The following MCF2L2 variants were observed in gnomAD, a reference collection of about 807,000 sequenced individuals.
MCF2L2 encodes probable guanine nucleotide exchange factor MCF2L2.
Under a neutral mutation model 150.2 loss-of-function variants are expected in MCF2L2, and 102 were observed. The ratio of observed to expected loss-of-function variants is 0.68; its 90% CI spans 0.58 to 0.80. The LOEUF (loss-of-function observed/expected upper bound fraction) is 0.80. Among genes scored for constraint, MCF2L2 ranks in the 30% least tolerant of loss-of-function variants. The pLI, the probability that MCF2L2 is intolerant of heterozygous loss-of-function variation, is 0.00. For missense variants in MCF2L2, 1,256 were observed against 1,372.8 expected, an observed-to-expected ratio of 0.91 and a Z score of 1.34; for synonymous variants, 465 against 491.3, an observed-to-expected ratio of 0.95 and a Z score of 0.71.
rs987671064 is a variant in MCF2L2 at position 183,178,524 on chromosome 3, G to A, written c.*856C>T. ...TCCAAGCAAATTAATTTGAACATCT[G>A]TAACTCCTAAAACAAAACAACTACA... On this transcript the variant is annotated 3_prime_UTR_variant, in exon 30 of 30. Coordinates refer to ENST00000328913, the MANE Select transcript of MCF2L2 (RefSeq NM_015078.4). The A allele has an allele frequency of 6.6e-6, 1 of 151,360 alleles. No individual in the cohort carries two copies. Among genetic ancestry groups the A allele is most frequent in the Admixed American group, 6.6e-5 (1 of 15,232 alleles). The allele number at this position is 151,360 out of a possible 1,614,324, so 9.4% of individuals were successfully genotyped here.
rs376579136 is a variant in MCF2L2 at position 183,300,181 on chromosome 3, C to T, written c.1129G>A (p.Ala377Thr). ...TCCCCAACCAGTGCCAGCAGCTGGG[C>T]CTTTTCCAGGGGCTCCTGCAAAGTG... ...EEKSQEPLEK[A>T]QLLALVGDQL... is the part of the protein sequence containing the mutation. Residue 377 changes from alanine (A) to threonine (T), a missense_variant, in exon 11 of 30, where the codon GCC (alanine) becomes ACC (threonine). Transcript: ENST00000328913. 22 of 1,602,086 alleles carry T rather than the reference C, an allele frequency of 1.4e-5. No homozygotes were observed. Among genetic ancestry groups the T allele is most frequent in the Non-Finnish European group, 1.9e-5 (22 of 1,176,968 alleles).
chr3:183,273,905 G>A (rs991064816), intron 15 of MCF2L2, among the ~76,000 whole-genome samples: 3 of 152,098 alleles, frequency 2.0e-5, no homozygotes, highest in Admixed American at 2.0e-4. Flanking sequence ...TTTGCACATC[G>A]ATGTGGTCAC....
chr3:183,225,995 CT>C (rs1474367624), intron 18 of MCF2L2: 1 of 152,226 alleles, frequency 6.6e-6, no homozygotes, highest in Non-Finnish European at 1.5e-5. Context: ...TTACCAGTTA[CT>C]CCCACATATC....
chr3:183,272,338 A>G, intron 15 of MCF2L2: 1 of 1,000,294 alleles, frequency 1.0e-6, no homozygotes, highest in Non-Finnish European at 1.2e-6. Context: ...AGCAAGAGTG[A>G]CTGAACTCAC....
chr3:183,294,853 C>T (rs1728399023), intron 13 of MCF2L2, among the ~76,000 whole-genome samples: 1 of 152,060 alleles, frequency 6.6e-6, no homozygotes, highest in Non-Finnish European at 1.5e-5. Context: ...TGGTCTCGAT[C>T]TCCTGACCTC....
intron 15 of MCF2L2, among the ~76,000 whole-genome samples, chr3:183,275,139 C>T (rs1428072086): frequency 6.6e-6 from 1 of 152,140 alleles, no homozygotes; most frequent in Admixed American, 6.6e-5. Context: ...TCCCTTCTCC[C>T]CAAATTTATA....
chr3:183,351,626 G>C (rs1471989446), intron 3 of MCF2L2, among the ~76,000 whole-genome samples: 5 of 151,972 alleles, frequency 3.3e-5, no homozygotes, highest in Admixed American at 1.3e-4. Context: ...ACTGCACATG[G>C]GGCTTCTTAC....
At position 183,219,936 on chromosome 3, in the gene MCF2L2, CA is replaced by C; in HGVS notation, c.2302-13del. 6.2e-7 allele frequency: 1 copy of C among 1,601,922 alleles called. No individual in the cohort carries two copies. Reference sequence around the variant, plus strand: ...AAATCCAGCAGACCCTGCATTAACCCAAAAGTCTTGTTGAAAATTAAAATGT... The same window carrying C: ...AAATCCAGCAGACCCTGCATTAACCCAAAGTCTTGTTGAAAATTAAAATGT... On this transcript the variant is annotated splice_polypyrimidine_tract_variant and intron_variant, in intron 20 of 29. Transcript: ENST00000328913.
intron 15 of MCF2L2, chr3:183,271,551 G>A (rs1008937858): frequency 6.0e-6 from 1 of 166,858 alleles, no homozygotes; most frequent in South Asian, 2.1e-4. Context: ...ACCTTTTTTT[G>A]CATCTTTTTT....
rs79305662 is a variant in MCF2L2, at chr3:183,413,040, T to A, written c.76+14862A>T. Among the ~76,000 whole-genome samples the A allele has an allele frequency of 2.6e-5, 4 of 152,344 alleles. No individual in the cohort carries two copies. The East Asian group carries it at 7.7e-4, about 29-fold the overall frequency. ...TGTATTATATTGATTGATTTTTGGATGCTAAACCAACCTTACATTCCTAGG... is the reference window on the plus strand; with the variant it reads ...TGTATTATATTGATTGATTTTTGGAAGCTAAACCAACCTTACATTCCTAGG... On this transcript the variant is annotated intron_variant, in intron 1 of 29. Coordinates refer to ENST00000328913, the MANE Select transcript of MCF2L2 (RefSeq NM_015078.4).
At chr3:183,288,378 T>C (rs752661933) in intron 14 of MCF2L2, among the ~76,000 whole-genome samples, 8 of 152,100 alleles carry the variant, frequency 5.3e-5, no homozygotes, top group African/African-American at 7.2e-5. Context: ...ATCTAAGAAA[T>C]TGACACTGGC....
chr3:183,278,737 G>T (rs1201472783), intron 14 of MCF2L2, among the ~76,000 whole-genome samples: 1 of 152,212 alleles, frequency 6.6e-6, no homozygotes, highest in Non-Finnish European at 1.5e-5. Context: ...TCTATTGTAT[G>T]CAGGGTGGAT....
chr3:183,193,139 GAC>G (rs1721957889), intron 26 of MCF2L2, 43 bp from the exon 27 acceptor site: 1 of 1,508,928 alleles, frequency 6.6e-7, no homozygotes, highest in South Asian at 1.1e-5. Context: ...TGGAAGGAAT[GAC>G]ACACGCATCC....
chr3:183,256,231 G>T (rs1725032681), intron 15 of MCF2L2, among the ~76,000 whole-genome samples: 1 of 152,150 alleles, frequency 6.6e-6, no homozygotes, highest in Non-Finnish European at 1.5e-5. Flanking sequence ...TTGTATCTGT[G>T]TTCCAGAAAC....
intron 5 of MCF2L2, among the ~76,000 whole-genome samples, chr3:183,325,874 AG>A (rs1293907442): frequency 6.6e-6 from 1 of 152,222 alleles, no homozygotes; most frequent in Admixed American, 6.5e-5. Context: ...GGATTATATT[AG>A]AAGAGTTAAT....
In MCF2L2 at chr3:183,297,067, GC is replaced by G. The variant is rs1560006246; in HGVS notation, c.1405del (p.Ala469ArgfsTer53). The G allele has an allele frequency of 6.2e-7, 1 of 1,614,154 alleles. No homozygotes were observed. ...CTCCTTGACTGTGCCCAGGAATGTC[GC>G]AATGTCGTTCAAGGCGATATCAACC... ...EGVDIALNDI[A>X]TFLGTVKEYP... is the part of the protein sequence containing the mutation. On this transcript the variant is annotated frameshift_variant, in exon 12 of 30. Transcript: ENST00000328913. LOFTEE classifies it high-confidence loss of function.
chr3:183,302,151 T>C (rs565096782), intron 10 of MCF2L2, among the ~76,000 whole-genome samples: 1 of 152,278 alleles, frequency 6.6e-6, no homozygotes, highest in African/African-American at 2.4e-5. Flanking sequence ...AAGTATGTCC[T>C]GTGAGACTCC....
At chr3:183,358,327 GA>G (rs1341844715) in intron 3 of MCF2L2, among the ~76,000 whole-genome samples, 1 of 152,060 alleles carries the variant, frequency 6.6e-6, no homozygotes, top group Non-Finnish European at 1.5e-5. Flanking sequence ...AAAAAGAAAA[GA>G]AAAAGAAGAG....
At chr3:183,324,110 C>T (rs1430606008) in intron 5 of MCF2L2, among the ~76,000 whole-genome samples, 1 of 152,178 alleles carries the variant, frequency 6.6e-6, no homozygotes, top group African/African-American at 2.4e-5. Flanking sequence ...TACAGGGAAA[C>T]ACAAAGAGTA....
Sources: allele counts gnomAD v4.1 joint callset (sites outside exome capture counted in the v4.1 genomes callset), GRCh38; gene constraint gnomAD v4.1.1; transcripts MANE v1.5; gene names NCBI Gene and HGNC (gene_info 2026-07-23, HGNC 2026-07-21).